The following SLC7A8 variants were observed in gnomAD, a reference collection of about 807,000 sequenced individuals.
SLC7A8 encodes large neutral amino acids transporter small subunit 2.
Under a neutral mutation model 51.2 loss-of-function variants are expected in SLC7A8, and 30 were observed. The ratio of observed to expected loss-of-function variants is 0.59; its 90% confidence interval spans 0.44 to 0.80. SLC7A8 has a LOEUF of 0.80. Among genes scored for constraint, SLC7A8 ranks in the 30% least tolerant of loss-of-function variants. The pLI is 0.00. For missense variants in SLC7A8, 612 were observed against 674.4 expected (o/e 0.91, Z 1.03); for synonymous variants, 257 against 275.8 (o/e 0.93, Z 0.67).
chr14:23,171,414 T>C (rs900499854), intron 1 of SLC7A8, among the ~76,000 whole-genome samples: 5 of 152,324 alleles, frequency 3.3e-5, no homozygotes, highest in Middle Eastern at 3.4e-3. Flanking sequence ...GAATAATCAC[T>C]AACTCCCCCA....
At chr14:23,154,370 C>T (rs2048873127) in intron 3 of SLC7A8, 1 of 999,304 alleles carries the variant, frequency 1.0e-6, no homozygotes, top group African/African-American at 1.7e-5. Context: ...TCCCAGCAGC[C>T]CTCTGGGTCT....
At chr14:23,158,882 C>T (rs550778749) in intron 3 of SLC7A8, among the ~76,000 whole-genome samples, 2 of 152,174 alleles carry the variant, frequency 1.3e-5, no homozygotes, top group Non-Finnish European at 2.9e-5. Flanking sequence ...CTGCTTGTCT[C>T]TCTGCTTCAA....
At chr14:23,181,802 G>A (rs1288065256) in intron 1 of SLC7A8, among the ~76,000 whole-genome samples, 1 of 152,246 alleles carries the variant, frequency 6.6e-6, no homozygotes, top group African/African-American at 2.4e-5. Context: ...TCACTCTGAA[G>A]TGAGGGCAGG....
At chr14:23,133,787 G>A (rs867025490) in intron 7 of SLC7A8, among the ~76,000 whole-genome samples, 16 of 151,920 alleles carry the variant, frequency 1.1e-4, no homozygotes, top group Middle Eastern at 3.4e-3. Flanking sequence ...TCATGCCCTT[G>A]CACTCCAACC....
At chr14:23,155,129 TCC>T (rs1365590262) in intron 3 of SLC7A8, 18 of 1,525,094 alleles carry the variant, frequency 1.2e-5, no homozygotes, top group Non-Finnish European at 1.6e-5. Flanking sequence ...TAGTAACATT[TCC>T]CCTTCTCCAG....
rs1271371451 is a variant in SLC7A8, at chr14:23,143,085, A to C, written c.628T>G (p.Cys210Gly). ...LIIIMGIVQI[C>G]KGEYFWLEPK... Reference sequence around the variant, plus strand: ...TTTTTCCTGCGATACTCACCTTTGCATATCTGTACAATCCCCATGATGATA... The same window carrying C: ...TTTTTCCTGCGATACTCACCTTTGCCTATCTGTACAATCCCCATGATGATA... The change falls in exon 4 of 11, where the codon TGC (cysteine) becomes GGC (glycine). Residue 210 changes from cysteine to glycine, a missense_variant. Cys to Gly is a radical substitution (Grantham distance 159). Transcript: ENST00000316902. 6.2e-7 allele frequency: 1 copy of C among 1,614,184 alleles called. No individual in the cohort carries two copies. The highest frequency in any genetic ancestry group is 8.5e-7 in the Non-Finnish European group (1 of 1,180,022).
chr14:23,132,591 C>A (rs1594817251), intron 7 of SLC7A8, among the ~76,000 whole-genome samples: 1 of 150,166 alleles, frequency 6.7e-6, no homozygotes, highest in African/African-American at 2.4e-5. Context: ...CAAACACAAA[C>A]AAAAAAACCC....
At chr14:23,133,100 G>C (rs1459968693) in intron 7 of SLC7A8, among the ~76,000 whole-genome samples, 1 of 152,106 alleles carries the variant, frequency 6.6e-6, no homozygotes, top group African/African-American at 2.4e-5. Context: ...TATGTAAATT[G>C]TACTTAAAAA....
intron 6 of SLC7A8, 114 bp from the exon 7 acceptor site, chr14:23,138,138 C>A (rs1407070247): frequency 2.4e-5 from 31 of 1,309,236 alleles, no homozygotes; most frequent in Non-Finnish European, 3.1e-5. Context: ...CTAATTCTCT[C>A]TCGCCAAGCT....
At chr14:23,152,285 A>T (rs2048854407) in intron 3 of SLC7A8, among the ~76,000 whole-genome samples, 1 of 151,716 alleles carries the variant, frequency 6.6e-6, no homozygotes, top group African/African-American at 2.4e-5. Context: ...ATGTGCCACC[A>T]CGCCCAGCTA....
At chr14:23,155,142 C>A in intron 3 of SLC7A8, 1 of 1,534,010 alleles carries the variant, frequency 6.5e-7, no homozygotes, top group Admixed American at 2.0e-5. Flanking sequence ...CCTTCTCCAG[C>A]CCTTTTCATC....
chr14:23,143,012 G>A (rs1210592803), intron 4 of SLC7A8, 67 bp downstream of exon 4: 10 of 1,581,508 alleles, frequency 6.3e-6, no homozygotes, highest in Non-Finnish European at 8.7e-6. Flanking sequence ...CCAAAGCTGG[G>A]CTGAGAGGGT....
chr14:23,140,821 G>A (rs1398062699), intron 4 of SLC7A8, among the ~76,000 whole-genome samples, 197 bp from the exon 5 acceptor site: 2 of 152,134 alleles, frequency 1.3e-5, no homozygotes, highest in Admixed American at 6.5e-5. Flanking sequence ...CCGAGACCCC[G>A]GAAACTACGA....
At position 23,140,596 on chromosome 14, in the gene SLC7A8, A is replaced by G. The variant is rs763753261; in HGVS notation, c.663T>C (p.Asn221=). Residue 221 remains asparagine, a synonymous_variant, in exon 5 of 11, where the codon AAT becomes AAC. Transcript: ENST00000316902. ...CAGGTTCCTGGAAATTCTCAAATGC[A>G]TTCTTTGGCTCCAGCCAGAAGTACT... ...KGEYFWLEPK[N]AFENFQEPDI... is the part of the protein sequence containing the mutation. 2.5e-6 allele frequency: 4 copies of G among 1,613,938 alleles called. No individual in the cohort carries two copies. Among genetic ancestry groups the G allele is most frequent in the African/African-American group, 2.7e-5 (2 of 74,930 alleles).
intron 7 of SLC7A8, among the ~76,000 whole-genome samples, chr14:23,136,806 C>T (rs112691361): frequency 1.8e-3 from 271 of 152,350 alleles, no homozygotes; most frequent in African/African-American, 5.8e-3. Flanking sequence ...GGGAGCCTCA[C>T]GGGTCACTGT....
chr14:23,146,936 C>T (rs1317495095), intron 3 of SLC7A8: 1 of 152,210 alleles, frequency 6.6e-6, no homozygotes, highest in Non-Finnish European at 1.5e-5. Context: ...TGGCACTTGT[C>T]TGTTGCGGAC....
intron 3 of SLC7A8, among the ~76,000 whole-genome samples, chr14:23,155,828 A>G (rs936020853): frequency 6.6e-6 from 1 of 151,866 alleles, no homozygotes; most frequent in African/African-American, 2.4e-5. Flanking sequence ...CAGGGTGTGG[A>G]TCCTGTGAGG....
At chr14:23,134,467 A>AAAAGG (rs1594819034) in intron 7 of SLC7A8, among the ~76,000 whole-genome samples, 1 of 141,020 alleles carries the variant, frequency 7.1e-6, no homozygotes, top group African/African-American at 2.6e-5. Context: ...AAAAGAAAAG[A>AAAAGG]TAAGGAAAAG....
At chr14:23,139,862 C>T (rs2048726554) in intron 5 of SLC7A8, among the ~76,000 whole-genome samples, 1 of 152,096 alleles carries the variant, frequency 6.6e-6, no homozygotes, top group Non-Finnish European at 1.5e-5. Context: ...AAAAAATTAA[C>T]TGGGCATGGT....
Sources: gnomAD v4.1 joint callset for allele counts (sites outside exome capture counted in the v4.1 genomes callset) on GRCh38, gnomAD v4.1.1 for gene constraint, MANE v1.5 for transcripts, NCBI Gene and HGNC (gene_info 2026-07-23, HGNC 2026-07-21) for gene names.